The following MTMR8 variants were observed in gnomAD, a reference collection of about 807,000 sequenced individuals.
MTMR8 encodes the protein myotubularin related protein 8.
MTMR8 carries 65 observed loss-of-function variants against 39.3 expected under a neutral mutation model. The observed-to-expected ratio is 1.65, with a 90% CI of 1.35 to 2.03. The LOEUF (loss-of-function observed/expected upper bound fraction) is 2.03, where lower values mean the gene tolerates loss of function less well. MTMR8 is among the 30% of genes most tolerant of loss of function. MTMR8 has a pLI of 0.00. For synonymous variants in MTMR8, 245 were observed against 185.2 expected (o/e 1.32, Z -2.62); for missense variants, 777 against 538.9 (o/e 1.44, Z -4.37).
chrX:64,375,823 C>T (rs1924254630), intron 1 of MTMR8, among the ~76,000 whole-genome samples: 1 of 111,852 alleles, frequency 8.9e-6, no homozygotes, highest in African/African-American at 3.3e-5. Flanking sequence ...TGGTTTGGCT[C>T]TGTGTCCCCA....
chrX:64,354,663 T>C (rs1306328024), intron 4 of MTMR8, 114 bp downstream of exon 4: 1 of 771,286 alleles, frequency 1.3e-6, no homozygotes, highest in East Asian at 3.4e-5. Context: ...GAATGTTGAA[T>C]GGAAAGGAGA....
intron 12 of MTMR8, among the ~76,000 whole-genome samples, chrX:64,293,867 C>G (rs746470308): frequency 2.7e-5 from 3 of 111,406 alleles, no homozygotes; most frequent in African/African-American, 9.8e-5. Flanking sequence ...CTGGTTGTAC[C>G]CCTGAGACTA....
At chrX:64,387,046 C>T (rs1211291160) in intron 1 of MTMR8, among the ~76,000 whole-genome samples, 2 of 110,952 alleles carry the variant, frequency 1.8e-5, no homozygotes, top group Admixed American at 9.5e-5. Flanking sequence ...AGAGCAAGGC[C>T]TTGTCTCAAA....
intron 1 of MTMR8, among the ~76,000 whole-genome samples, chrX:64,388,864 A>AT (rs1366945673): frequency 2.7e-5 from 3 of 112,158 alleles, no homozygotes; most frequent in Non-Finnish European, 3.8e-5. Context: ...TGTGGTGTTA[A>AT]TATATTTTAC....
At chrX:64,300,765 A>C (rs2147200272) in intron 12 of MTMR8, among the ~76,000 whole-genome samples, 1 of 105,012 alleles carries the variant, frequency 9.5e-6, no homozygotes, top group Admixed American at 1.0e-4. Flanking sequence ...CTTGTAGGGC[A>C]GGCCTGGTGG....
intron 1 of MTMR8, among the ~76,000 whole-genome samples, chrX:64,361,006 T>G (rs919358068): frequency 3.6e-5 from 4 of 111,141 alleles, no homozygotes. Flanking sequence ...AGAATTTAAT[T>G]ATTTCAAAAG....
intron 12 of MTMR8, among the ~76,000 whole-genome samples, chrX:64,324,837 A>G (rs1045674162): frequency 5.2e-4 from 55 of 105,046 alleles, no homozygotes; most frequent in East Asian, 2.8e-3. Context: ...AAAAAAAAAA[A>G]AGAGAGGTTT....
chrX:64,279,984 C>G (rs868265718), intron 12 of MTMR8, among the ~76,000 whole-genome samples: 3 of 111,854 alleles, frequency 2.7e-5, no homozygotes, highest in South Asian at 7.5e-4. Context: ...TACACCCTCC[C>G]AAGACTAAAC....
intron 12 of MTMR8, among the ~76,000 whole-genome samples, chrX:64,323,128 C>T (rs1177892872): frequency 1.8e-5 from 2 of 112,315 alleles, no homozygotes; most frequent in African/African-American, 6.5e-5. Flanking sequence ...CCCAAACTGG[C>T]AGACTTCTGC....
chrX:64,323,016 G>T (rs766502158), intron 12 of MTMR8, among the ~76,000 whole-genome samples: 1 of 112,819 alleles, frequency 8.9e-6, no homozygotes, highest in Admixed American at 9.3e-5. Context: ...GCGCTCACTA[G>T]CCAGGCATGT....
intron 12 of MTMR8, among the ~76,000 whole-genome samples, chrX:64,326,925 A>T (rs1410053836): frequency 9.0e-6 from 1 of 111,175 alleles, no homozygotes; most frequent in African/African-American, 3.3e-5. Flanking sequence ...AAGAACAAAC[A>T]TTGGGGAAAA....
chrX:64,314,573 C>T (rs761941217), intron 12 of MTMR8, among the ~76,000 whole-genome samples: 1 of 113,019 alleles, frequency 8.8e-6, no homozygotes, highest in Non-Finnish European at 1.9e-5. Flanking sequence ...TTTGTGCCTG[C>T]CAAGGCTCCA....
chrX:64,328,999 A>T, intron 11 of MTMR8, 99 bp from the exon 12 acceptor site: 1 of 817,823 alleles, frequency 1.2e-6, no homozygotes, highest in Non-Finnish European at 1.7e-6. Flanking sequence ...ACTAATAAGT[A>T]ACCCAGCTCA....
chrX:64,329,036 G>A (rs1922876463), intron 11 of MTMR8, 136 bp from the exon 12 acceptor site: 1 of 505,383 alleles, frequency 2.0e-6, no homozygotes, highest in Non-Finnish European at 3.0e-6. Flanking sequence ...TATGACAGAA[G>A]AAAAATAAGT....
At chrX:64,296,560 G>A (rs1392420016) in intron 12 of MTMR8, among the ~76,000 whole-genome samples, 2 of 104,372 alleles carry the variant, frequency 1.9e-5, no homozygotes, top group Non-Finnish European at 3.9e-5. Context: ...CTCTGTATAT[G>A]GACCCTATGC....
chrX:64,322,622 T>C (rs1786223188), intron 12 of MTMR8, among the ~76,000 whole-genome samples: 1 of 112,168 alleles, frequency 8.9e-6, no homozygotes, highest in Non-Finnish European at 1.9e-5. Context: ...GCTGCAGCTA[T>C]ACAGTGCCAT....
At chrX:64,337,915 G>T (rs1435105918) in intron 8 of MTMR8, among the ~76,000 whole-genome samples, 5 of 111,574 alleles carry the variant, frequency 4.5e-5, no homozygotes, top group African/African-American at 1.6e-4. Context: ...TATTTAACCT[G>T]GGAAATTTTG....
chrX:64,285,771 A>T (rs1358069872), intron 12 of MTMR8, among the ~76,000 whole-genome samples: 1 of 111,653 alleles, frequency 9.0e-6, no homozygotes, highest in Non-Finnish European at 1.9e-5. Context: ...TGTTCTTTGA[A>T]ACCAACGAGA....
At chrX:64,331,348 A>G in intron 11 of MTMR8, 1 of 419,612 alleles carries the variant, frequency 2.4e-6, no homozygotes, top group Non-Finnish European at 4.2e-6. Flanking sequence ...AAAAGTAGGC[A>G]TTATTATCCC....
Sources: gnomAD v4.1 joint callset for allele counts (sites outside exome capture counted in the v4.1 genomes callset) on GRCh38, gnomAD v4.1.1 for gene constraint, MANE v1.5 for transcripts, NCBI Gene and HGNC (gene_info 2026-07-23, HGNC 2026-07-21) for gene names.